The following PEG3 variants were observed in gnomAD, a reference collection of about 807,000 sequenced individuals.
PEG3 encodes the protein paternally expressed 3, also known as paternally-expressed gene 3 protein.
In PEG3, 23 loss-of-function variants were observed where a neutral mutation model predicts 35.5. That is an observed-to-expected ratio of 0.65 (90% CI 0.47 to 0.92). PEG3 has a LOEUF of 0.92. Among genes scored for constraint, PEG3 ranks in the 40% least tolerant of loss-of-function variants. PEG3 has a pLI of 0.00. For missense variants in PEG3, 1,960 were observed against 1,985.3 expected, an observed-to-expected ratio of 0.99 and a Z score of 0.24; for synonymous variants, 707 against 697.0, an observed-to-expected ratio of 1.01 and a Z score of -0.23.
intron 8 of PEG3, 101 bp downstream of exon 8, chr19:56,818,499 A>T (rs1639999524): frequency 1.6e-6 from 2 of 1,222,668 alleles, no homozygotes; most frequent in Non-Finnish European, 1.2e-6. Context: ...TTGAAGTCCA[A>T]ATATATTAAT....
rs146936570 is a variant in PEG3 at position 56,814,611 on chromosome 19, G to C, written c.3831C>G (p.Thr1277=). 3 of 1,613,906 alleles carry C rather than the reference G, an allele frequency of 1.9e-6. No individual in the cohort carries two copies. Among genetic ancestry groups the C allele is most frequent in the Admixed American group, 1.7e-5 (1 of 59,986 alleles). Residue 1277 remains threonine (T), a synonymous_variant, in exon 10 of 10, where the codon ACC becomes ACG. Transcript: ENST00000326441. The surrounding 1 kb of genome is among the most constrained non-coding windows in gnomAD (Gnocchi z 5.8). ...LALTEFQRSQ[T]EERLFECAVC... ...CTGCACATTCAAAGAGTCTCTCTTC[G>C]GTCTGACTTCTCTGAAACTCAGTGA...
chr19:56,822,728 G>A (rs2060621942), intron 6 of PEG3, 25 bp downstream of exon 6: 1 of 1,612,894 alleles, frequency 6.2e-7, no homozygotes, highest in South Asian at 1.1e-5. Flanking sequence ...ATCTCCTACT[G>A]GGAAAGAAAG....
intron 7 of PEG3, among the ~76,000 whole-genome samples, chr19:56,820,751 T>C (rs2060408791): frequency 1.3e-5 from 2 of 152,266 alleles, no homozygotes; most frequent in Non-Finnish European, 2.9e-5. Context: ...ATATACAACA[T>C]TTGTGTCAAT....
chr19:56,822,932 C>A, intron 5 of PEG3, 96 bp from the exon 6 acceptor site: 1 of 1,485,090 alleles, frequency 6.7e-7, no homozygotes, highest in South Asian at 1.2e-5. Context: ...GAGATGCTAC[C>A]CTCTTCCCAC....
chr19:56,826,371 C>G lies in PEG3; in HGVS notation c.-87+17G>C, dbSNP rs2061035212. 1.3e-5 allele frequency: 2 copies of G among 152,228 alleles called. No individual in the cohort carries two copies. Among genetic ancestry groups the G allele is most frequent in the South Asian group, 4.1e-4 (2 of 4,830 alleles). The allele number at this position is 152,228 out of a possible 1,614,324, so 9.4% of individuals were successfully genotyped here. A position where few individuals can be genotyped will look rare whatever the true frequency, so the allele number is the denominator to read the frequency against. ...CCTCATCCTCAGGCAACAAGATACCCTCAGATATGTAATCACCTGTCTGGG... is the reference window on the plus strand; with the variant it reads ...CCTCATCCTCAGGCAACAAGATACCGTCAGATATGTAATCACCTGTCTGGG... On this transcript the variant is annotated intron_variant, in intron 3 of 9. Transcript: ENST00000326441.
chr19:56,838,483 G>T (rs2062474727), intron 1 of PEG3, among the ~76,000 whole-genome samples: 1 of 152,180 alleles, frequency 6.6e-6, no homozygotes. Context: ...CGCCAGCAGG[G>T]CGCCTGCACA....
At chr19:56,833,242 C>T (rs1477441952) in intron 2 of PEG3, 4 of 489,702 alleles carry the variant, frequency 8.2e-6, no homozygotes, top group South Asian at 3.0e-5. Context: ...TACTTTGGTC[C>T]CTCACCATGG....
chr19:56,829,298 C>T (rs561911783), intron 2 of PEG3, among the ~76,000 whole-genome samples: 22 of 149,466 alleles, frequency 1.5e-4, no homozygotes, highest in East Asian at 7.8e-4. Context: ...GAGCCAAAAT[C>T]GCACCACTGC....
intron 2 of PEG3, among the ~76,000 whole-genome samples, chr19:56,832,493 T>G (rs142492101): frequency 2.6e-4 from 39 of 152,332 alleles, no homozygotes; most frequent in African/African-American, 9.1e-4. Flanking sequence ...ACCCATATCC[T>G]TCCTGGCTTG....
At position 56,815,337 on chromosome 19, in the gene PEG3, G is replaced by C. The variant is rs1014411709; in HGVS notation, c.3105C>G (p.Asp1035Glu). 6.2e-7 allele frequency: 1 copy of C among 1,614,080 alleles called. No individual in the cohort carries two copies. Among genetic ancestry groups the C allele is most frequent in the African/African-American group, 1.3e-5 (1 of 74,932 alleles). The stretch of plus-strand genomic sequence containing the variant: ...CGCTGGTAGCAAAAAATTGTCTGAA[G>C]TCCTTACATTTGTTCCGCGCTTGCT... ...AKEQARNKCK[D>E]FRQFFATSED... The change falls in exon 10 of 10, where the codon GAC becomes GAG. Residue 1035 changes from aspartate to glutamate, a missense_variant. Transcript: ENST00000326441.
At chr19:56,828,852 G>A (rs1383411606) in intron 2 of PEG3, among the ~76,000 whole-genome samples, 1 of 152,082 alleles carries the variant, frequency 6.6e-6, no homozygotes, top group African/African-American at 2.4e-5. Context: ...CCTGTCGAAT[G>A]GGCAAATGTT....
Position 56,811,698 on chromosome 19 carries a change from C to A in PEG3, c.*1977G>T. ...AAGAGTCCTTTTCCCATGTAGTAAA[C>A]CTCACTGCCCCTCAGCTTTCCCGAT... On this transcript the variant is annotated 3_prime_UTR_variant, in exon 10 of 10. Coordinates refer to ENST00000326441, the MANE Select transcript of PEG3 (RefSeq NM_006210.3). The A allele has an allele frequency of 1.0e-6, 1 of 985,532 alleles. No individual in the cohort carries two copies. The highest frequency in any genetic ancestry group is 1.2e-6 in the Non-Finnish European group (1 of 829,986). 61.0% of individuals were successfully genotyped at this position (985,532 alleles called of 1,614,324 possible).
Position 56,832,558 on chromosome 19 carries a change from C to G in PEG3, c.-163+3460G>C, listed in dbSNP as rs566902635. ...TAAAGCTTCCATATCTCCCTCTGCT[C>G]TCTCTTCAGAGCAGGACTCAGTGTT... On this transcript the variant is annotated intron_variant, in intron 2 of 9. Coordinates refer to ENST00000326441, the MANE Select transcript of PEG3 (RefSeq NM_006210.3). Among the ~76,000 whole-genome samples, 16 of 152,348 alleles carry G rather than the reference C, an allele frequency of 1.1e-4. 1 individual carries two copies. The East Asian group carries it at 2.9e-3, about 28-fold the overall frequency.
At position 56,824,735 on chromosome 19, in the gene PEG3, C is replaced by G; in HGVS notation, c.-80G>C. On this transcript the variant is annotated 5_prime_UTR_variant, in exon 4 of 10. Transcript: ENST00000326441. ...GCGGCAGCCTGTGACCGTCAGTACTCAGGGACCTGTGGATCGTAAGGAGAT... is the reference window on the plus strand; with the variant it reads ...GCGGCAGCCTGTGACCGTCAGTACTGAGGGACCTGTGGATCGTAAGGAGAT... 1 of 1,362,294 alleles carries G rather than the reference C, an allele frequency of 7.3e-7. No individual in the cohort carries two copies. Among genetic ancestry groups the G allele is most frequent in the Non-Finnish European group, 1.0e-6 (1 of 988,208 alleles). The allele number at this position is 1,362,294 out of a possible 1,614,324, so 84.4% of individuals were successfully genotyped here.
Position 56,817,557 on chromosome 19 carries a change from G to C in PEG3, c.885C>G (p.Ala295=). The C allele has an allele frequency of 6.3e-7, 1 of 1,593,136 alleles. No homozygotes were observed. The part of the protein sequence containing the change: ...TSRGLKTMPE[A]KKSTHRRGIC... ...TCCCCCGCCGGTGGGTTGATTTTTT[G>C]GCTTCAGGCATAGTTTTTAGACCTG... is the stretch of plus-strand genomic sequence containing the variant. Residue 295 remains alanine, a synonymous_variant, in exon 10 of 10, where the codon GCC becomes GCG. Transcript: ENST00000326441.
At chr19:56,835,932 T>C (rs539718963) in intron 2 of PEG3, 86 bp downstream of exon 2, 37 of 457,202 alleles carry the variant, frequency 8.1e-5, no homozygotes, top group African/African-American at 6.1e-4. Flanking sequence ...GTGGAACACA[T>C]ATGCAGTAGG....
At position 56,817,825 on chromosome 19, in the gene PEG3, A is replaced by G. The variant is rs2060121530; in HGVS notation, c.783T>C (p.Ala261=). The G allele has an allele frequency of 1.9e-6, 3 of 1,613,862 alleles. No individual in the cohort carries two copies. The highest frequency in any genetic ancestry group is 2.5e-6 in the Non-Finnish European group (3 of 1,179,960). ...TCATGTGGGAGTGGCCATCGTCTTC[A>G]GCAAGCTGCACTCCTGGTCACAAGG... The part of the protein sequence containing the change: ...YRKLLSLVQL[A]EDDGHSHMTQ... The change falls in exon 9 of 10, where the codon GCT becomes GCC. Residue 261 remains alanine, a synonymous_variant. Transcript: ENST00000326441.
In PEG3 at chr19:56,824,607, C is replaced by T. The variant is rs199813390; in HGVS notation, c.49G>A (p.Ala17Thr). ...CTGTCTAGCTCATACAGATTTGGGG[C>T]CCAGGACTTCTTAGGTTTGGTGGCA... is the stretch of plus-strand genomic sequence containing the variant. ...LSATKPKKSW[A>T]PNLYELDSDL... is the part of the protein sequence containing the mutation. Residue 17 changes from alanine (A) to threonine (T), a missense_variant, in exon 4 of 10, where the codon GCC becomes ACC. Coordinates refer to ENST00000326441, the MANE Select transcript of PEG3 (RefSeq NM_006210.3). 1 of 1,610,084 alleles carries T rather than the reference C, an allele frequency of 6.2e-7. No homozygotes were observed. Among genetic ancestry groups the T allele is most frequent in the East Asian group, 2.2e-5 (1 of 44,750 alleles).
intron 2 of PEG3, among the ~76,000 whole-genome samples, chr19:56,832,332 T>C (rs2061653283): frequency 6.6e-6 from 1 of 152,046 alleles, no homozygotes; most frequent in Non-Finnish European, 1.5e-5. Flanking sequence ...CCACCGACAG[T>C]ACCCTGTGGT....
Sources: gnomAD v4.1 joint callset for allele counts (sites outside exome capture counted in the v4.1 genomes callset) on GRCh38, gnomAD v4.1.1 for gene constraint, Gnocchi (gnomAD v3.1) non-coding constraint, MANE v1.5 for transcripts, NCBI Gene and HGNC (gene_info 2026-07-23, HGNC 2026-07-21) for gene names.